The following STK39 variants were observed in gnomAD, a reference collection of about 807,000 sequenced individuals.
STK39 encodes the protein serine/threonine kinase 39.
A neutral mutation model predicts 77.8 loss-of-function variants in STK39; 20 were observed. The observed-to-expected ratio is 0.26, with a 90% CI of 0.18 to 0.37. The LOEUF (loss-of-function observed/expected upper bound fraction) is 0.37. STK39 is among the 10% of genes least tolerant of loss of function. The pLI is 1.00. For synonymous variants in STK39, 246 were observed against 234.1 expected (o/e 1.05, Z -0.47); for missense variants, 479 against 656.5 (o/e 0.73, Z 2.95).
rs75035919 is a variant in STK39, at chr2:168,057,781, A to G, written c.1376+5719T>C. On this transcript the variant is annotated intron_variant, in intron 14 of 17. Transcript: ENST00000355999. ...GTTTTACTGGGAAAATAGAAACAGA[A>G]GAAGACTTCCAGGCAAGGTACAGTC... Among the ~76,000 whole-genome samples, 576 of 152,274 alleles carry G rather than the reference A, an allele frequency of 3.8e-3. 3 individuals carry two copies. The highest frequency in any genetic ancestry group is 0.013 in the African/African-American group (543 of 41,558).
At chr2:168,238,758 A>G (rs1690682779) in intron 1 of STK39, among the ~76,000 whole-genome samples, 1 of 152,234 alleles carries the variant, frequency 6.6e-6, no homozygotes, top group Admixed American at 6.5e-5. Context: ...TTTTCAGTTA[A>G]GCCAAGTCTG....
At chr2:168,239,012 G>C (rs543570176) in intron 1 of STK39, among the ~76,000 whole-genome samples, 1 of 152,232 alleles carries the variant, frequency 6.6e-6, no homozygotes, top group South Asian at 2.1e-4. Context: ...ACATCTATTA[G>C]AATGACCCGG....
chr2:168,089,577 T>C (rs1487178424), intron 10 of STK39, among the ~76,000 whole-genome samples: 1 of 152,244 alleles, frequency 6.6e-6, no homozygotes, highest in Non-Finnish European at 1.5e-5. Context: ...CCTGCATTTA[T>C]TGCAATACAT....
rs1025376783 is a variant in STK39, at chr2:168,125,830, C to A, written c.1089+3711G>T. On this transcript the variant is annotated intron_variant, in intron 10 of 17. Transcript: ENST00000355999. ...ATCCGGATGAAGACAAGATCACCTA[C>A]CCTCGTGGAATTATGTGGCTCCCAA... Among the ~76,000 whole-genome samples, 17 of 152,234 alleles carry A rather than the reference C, an allele frequency of 1.1e-4. 1 individual carries two copies. The South Asian group carries it at 3.1e-3, about 28-fold the overall frequency.
At chr2:167,973,924 G>T (rs1169490126) in intron 16 of STK39, among the ~76,000 whole-genome samples, 1 of 152,086 alleles carries the variant, frequency 6.6e-6, no homozygotes, top group African/African-American at 2.4e-5. Context: ...GTACTAATAT[G>T]CTCTTTAACA....
intron 17 of STK39, among the ~76,000 whole-genome samples, chr2:167,959,981 G>A (rs182371540): frequency 2.6e-5 from 4 of 152,306 alleles, no homozygotes; most frequent in Admixed American, 1.3e-4. Context: ...CGCTTTGTGA[G>A]CCTCAATTTC....
intron 10 of STK39, among the ~76,000 whole-genome samples, chr2:168,088,352 G>A (rs937662350): frequency 6.6e-6 from 1 of 152,066 alleles, no homozygotes; most frequent in Non-Finnish European, 1.5e-5. Flanking sequence ...TGAAAAAGTA[G>A]GTCAATACAT....
intron 10 of STK39, among the ~76,000 whole-genome samples, chr2:168,102,649 G>A (rs1686860962): frequency 2.0e-5 from 3 of 152,140 alleles, no homozygotes; most frequent in Admixed American, 2.0e-4. Flanking sequence ...TCTCTTCTCA[G>A]CCAGGTGCGG....
intron 15 of STK39, among the ~76,000 whole-genome samples, chr2:168,016,724 T>A (rs1462894696): frequency 6.6e-6 from 1 of 152,228 alleles, no homozygotes; most frequent in Admixed American, 6.5e-5. Flanking sequence ...GACTGTGGTA[T>A]GCTTCTCATC....
intron 12 of STK39, among the ~76,000 whole-genome samples, chr2:168,070,569 A>T (rs188220878): frequency 4.2e-4 from 62 of 148,864 alleles, no homozygotes; most frequent in Admixed American, 1.2e-3. Context: ...TACATTAGGT[A>T]TATCTCCTAA....
chr2:168,113,047 T>C (rs1687161718), intron 10 of STK39: 1 of 152,248 alleles, frequency 6.6e-6, no homozygotes, highest in Non-Finnish European at 1.5e-5. Context: ...GCTTCCATGA[T>C]TAGAAACTCT....
intron 16 of STK39, among the ~76,000 whole-genome samples, chr2:167,995,594 G>A (rs1378043313): frequency 6.6e-6 from 1 of 152,094 alleles, no homozygotes; most frequent in Non-Finnish European, 1.5e-5. Flanking sequence ...GATACAGAAA[G>A]AACAGAGAGT....
At chr2:168,011,726 C>A (rs16854534) in intron 16 of STK39, among the ~76,000 whole-genome samples, 1 of 152,042 alleles carries the variant, frequency 6.6e-6, no homozygotes, top group Non-Finnish European at 1.5e-5. Context: ...TATCTCCGTG[C>A]AGCTATCTTA....
chr2:168,060,872 C>T (rs1559078237), intron 14 of STK39, among the ~76,000 whole-genome samples: 2 of 151,306 alleles, frequency 1.3e-5, no homozygotes, highest in Non-Finnish European at 2.9e-5. Context: ...TGGTTTCCAA[C>T]AGATGTCAGA....
At chr2:168,127,240 TC>T (rs1687566925) in intron 10 of STK39, among the ~76,000 whole-genome samples, 1 of 152,132 alleles carries the variant, frequency 6.6e-6, no homozygotes, top group South Asian at 2.1e-4. Flanking sequence ...AACCTCTGAT[TC>T]CCTGGTTCAA....
intron 1 of STK39, among the ~76,000 whole-genome samples, chr2:168,234,268 T>C (rs1353058083): frequency 6.6e-6 from 1 of 152,230 alleles, no homozygotes; most frequent in African/African-American, 2.4e-5. Context: ...AGTCTATATC[T>C]GCACTAGCCT....
At chr2:168,015,190 T>C (rs946439237) in intron 15 of STK39, among the ~76,000 whole-genome samples, 4 of 152,238 alleles carry the variant, frequency 2.6e-5, no homozygotes, top group Non-Finnish European at 5.9e-5. Flanking sequence ...TAAATATTCA[T>C]GTATTAATTT....
At chr2:168,123,104 T>C (rs1687450679) in intron 10 of STK39, among the ~76,000 whole-genome samples, 1 of 152,164 alleles carries the variant, frequency 6.6e-6, no homozygotes, top group Non-Finnish European at 1.5e-5. Context: ...AAAGAGTGCA[T>C]AAACTGAATC....
At chr2:168,234,999 A>T (rs533392530) in intron 1 of STK39, among the ~76,000 whole-genome samples, 93 of 152,092 alleles carry the variant, frequency 6.1e-4, no homozygotes, top group African/African-American at 2.2e-3. Flanking sequence ...ACAAAAAAAA[A>T]AAAAATTTTA....
Sources: allele counts gnomAD v4.1 joint callset (sites outside exome capture counted in the v4.1 genomes callset), GRCh38; gene constraint gnomAD v4.1.1; transcripts MANE v1.5; gene names NCBI Gene and HGNC (gene_info 2026-07-23, HGNC 2026-07-21).